The following RUFY2 variants were observed in gnomAD, a reference collection of about 807,000 sequenced individuals.
The protein encoded by RUFY2 is RUN and FYVE domain-containing protein 2.
Under a neutral mutation model 94.4 loss-of-function variants are expected in RUFY2, and 49 were observed. That is an observed-to-expected ratio of 0.52 (90% confidence interval 0.41 to 0.66). The LOEUF (loss-of-function observed/expected upper bound fraction) is 0.66. Ranked by LOEUF, RUFY2 falls within the 30% of genes least tolerant of loss-of-function variation. The pLI is 0.00. For synonymous variants in RUFY2, 255 were observed against 235.7 expected, an observed-to-expected ratio of 1.08 and a Z score of -0.75; for missense variants, 541 against 692.8, an observed-to-expected ratio of 0.78 and a Z score of 2.46.
rs1214365386 is a variant in RUFY2, at chr10:68,344,666, A to G, written c.*1102T>C. The G allele has an allele frequency of 6.6e-6, 1 of 152,406 alleles. No homozygotes were observed. Among genetic ancestry groups the G allele is most frequent in the East Asian group, 1.9e-4 (1 of 5,204 alleles). 9.4% of individuals were successfully genotyped at this position (152,406 alleles called of 1,614,324 possible). ...GCCATTGCACTCCAGCCTAGGCAAC[A>G]AGAGTGAAACTCCATCTCGAAAAAA... On this transcript the variant is annotated 3_prime_UTR_variant, in exon 18 of 18. Coordinates refer to ENST00000602465, the MANE Select transcript of RUFY2 (RefSeq NM_001330103.2).
chr10:68,406,201 A>G (rs1036915726), intron 1 of RUFY2, among the ~76,000 whole-genome samples: 3 of 152,080 alleles, frequency 2.0e-5, no homozygotes, highest in Non-Finnish European at 4.4e-5. Flanking sequence ...AGAGTCTCCA[A>G]TGATCTAGTA....
At position 68,345,764 on chromosome 10, in the gene RUFY2, A is replaced by C. The variant is rs781018764; in HGVS notation, c.*4T>G. On this transcript the variant is annotated 3_prime_UTR_variant, in exon 18 of 18. Coordinates refer to ENST00000602465, the MANE Select transcript of RUFY2 (RefSeq NM_001330103.2). ...TTCATACATAAGGATTTAGTTCTGG[A>C]GTCTCAGGGCAAGTTAGATGAGCAT... 8.1e-6 allele frequency: 13 copies of C among 1,609,210 alleles called. No individual in the cohort carries two copies. The highest frequency in any genetic ancestry group is 1.1e-5 in the Non-Finnish European group (13 of 1,177,186).
chr10:68,355,546 T>G (rs1252821643), intron 15 of RUFY2, 145 bp from the exon 16 acceptor site: 5 of 487,816 alleles, frequency 1.0e-5, no homozygotes, highest in Non-Finnish European at 1.8e-5. Flanking sequence ...TAGTGGAATA[T>G]TTCATATTTT....
intron 1 of RUFY2, 97 bp from the exon 2 acceptor site, chr10:68,404,941 T>C (rs962276762): frequency 6.0e-6 from 6 of 993,988 alleles, no homozygotes; most frequent in Non-Finnish European, 7.2e-6. Context: ...AACAGTAGTT[T>C]GCTGTTCCTT....
chr10:68,354,022 G>A (rs1380068883), intron 16 of RUFY2, among the ~76,000 whole-genome samples: 1 of 151,986 alleles, frequency 6.6e-6, no homozygotes, highest in Non-Finnish European at 1.5e-5. Flanking sequence ...AGAGATAAAT[G>A]CCAGAAGAAA....
At chr10:68,394,678 G>A (rs768184516) in intron 4 of RUFY2, among the ~76,000 whole-genome samples, 1 of 150,444 alleles carries the variant, frequency 6.6e-6, no homozygotes, top group Non-Finnish European at 1.5e-5. Flanking sequence ...CACCCAGGCC[G>A]GACTGCAGTG....
In RUFY2 at chr10:68,389,576, C is replaced by T. The variant is rs368873214; in HGVS notation, c.651-3448G>A. The stretch of plus-strand genomic sequence containing the variant: ...CTGCACTCCAGCCTGGGTGAAAGAG[C>T]GAAACTCTGTCTCGAAAAAAAAAAA... On this transcript the variant is annotated intron_variant, in intron 7 of 17. Coordinates refer to ENST00000602465, the MANE Select transcript of RUFY2 (RefSeq NM_001330103.2). Among the ~76,000 whole-genome samples the T allele has an allele frequency of 2.6e-5, 4 of 151,056 alleles. No individual in the cohort carries two copies. The South Asian group carries it at 8.3e-4, about 31-fold the overall frequency.
intron 3 of RUFY2, among the ~76,000 whole-genome samples, chr10:68,398,126 CA>C (rs377600173): frequency 0.063 from 4,110 of 64,978 alleles, 134 homozygotes; most frequent in African/African-American, 0.17. Flanking sequence ...GATTTGTTCT[CA>C]AAAAAAAAAA....
At chr10:68,393,907 T>G in intron 6 of RUFY2, 168 bp downstream of exon 6, 1 of 1,365,148 alleles carries the variant, frequency 7.3e-7, no homozygotes. Flanking sequence ...TAAGTGATTT[T>G]CCATAATCTG....
At chr10:68,385,074 C>T (rs1486857218) in intron 8 of RUFY2, among the ~76,000 whole-genome samples, 1 of 152,032 alleles carries the variant, frequency 6.6e-6, no homozygotes, top group Non-Finnish European at 1.5e-5. Context: ...TCAGCCTGAC[C>T]AACACGGTGA....
At chr10:68,406,959 T>C in intron 1 of RUFY2, 6 of 1,548,338 alleles carry the variant, frequency 3.9e-6, no homozygotes, top group South Asian at 1.2e-5. Context: ...TCGGCCACTA[T>C]GCCTCAGAAC....
At chr10:68,387,321 T>C (rs2049583528) in intron 7 of RUFY2, among the ~76,000 whole-genome samples, 1 of 151,890 alleles carries the variant, frequency 6.6e-6, no homozygotes, top group South Asian at 2.1e-4. Flanking sequence ...TGCGCCACTG[T>C]ACTCCAGCCT....
chr10:68,351,445 CTTTTT>C (rs71009049), intron 16 of RUFY2, among the ~76,000 whole-genome samples: 2 of 63,378 alleles, frequency 3.2e-5, no homozygotes, highest in Non-Finnish European at 5.9e-5. Context: ...CTCCACCCAT[CTTTTT>C]TTTTTTTTTT....
intron 15 of RUFY2, among the ~76,000 whole-genome samples, chr10:68,357,130 T>C (rs574100163): frequency 1.3e-5 from 2 of 151,316 alleles, no homozygotes; most frequent in South Asian, 4.2e-4. Context: ...ATCGTGCCAC[T>C]GCACTCCTGG....
chr10:68,379,431 C>A lies in RUFY2; in HGVS notation c.1198G>T (p.Glu400Ter). The change falls in exon 12 of 18, where the codon GAA (glutamate) becomes TAA (stop). Residue 400 changes from glutamate to a stop codon, truncating the protein, a stop_gained. Transcript: ENST00000602465. LOFTEE classifies it high-confidence loss of function. Reference protein sequence around the residue: ...NKITAAMRQLEQRLQQAEKAQ... With the variant: ...NKITAAMRQL ...AGACTGGAAATGCTGTACCTTTGTTCCAGCTGCCTCATGGCTGCAGTAATT... is the reference window on the plus strand; with the variant it reads ...AGACTGGAAATGCTGTACCTTTGTTACAGCTGCCTCATGGCTGCAGTAATT... 2 of 1,600,920 alleles carry A rather than the reference C, an allele frequency of 1.2e-6. No homozygotes were observed. Among genetic ancestry groups the A allele is most frequent in the African/African-American group, 1.4e-5 (1 of 73,970 alleles).
At chr10:68,371,488 A>T (rs2048277027) in intron 13 of RUFY2, among the ~76,000 whole-genome samples, 1 of 151,814 alleles carries the variant, frequency 6.6e-6, no homozygotes, top group Non-Finnish European at 1.5e-5. Flanking sequence ...GCTACCCAGG[A>T]GACTGAGGCA....
Position 68,343,808 on chromosome 10 carries a change from TAAAAAAAA to T in RUFY2, c.*1952_*1959del, listed in dbSNP as rs755419558. 2.6e-5 allele frequency: 3 copies of T among 115,682 alleles called. No individual in the cohort carries two copies. Among genetic ancestry groups the T allele is most frequent in the South Asian group, 5.2e-4 (2 of 3,872 alleles). The allele number at this position is 115,682 out of a possible 1,614,324, so 7.2% of individuals were successfully genotyped here. On this transcript the variant is annotated 3_prime_UTR_variant, in exon 18 of 18. Transcript: ENST00000602465. The stretch of plus-strand genomic sequence containing the variant: ...GCAAGTTGCTGTCATAAAAGCTGCC[TAAAAAAAA>T]AAAAAAAAAAAAAAAAAGCAAGTCA...
intron 7 of RUFY2, among the ~76,000 whole-genome samples, chr10:68,388,569 G>T (rs917643605): frequency 6.6e-6 from 1 of 152,086 alleles, no homozygotes; most frequent in Non-Finnish European, 1.5e-5. Context: ...GGGTGCAGTG[G>T]CTAACATCTA....
At position 68,345,472 on chromosome 10, in the gene RUFY2, T is replaced by C. The variant is rs1016696662; in HGVS notation, c.*296A>G. On this transcript the variant is annotated 3_prime_UTR_variant, in exon 18 of 18. Transcript: ENST00000602465. ...GACAGAATTCAGAAGAAAAAAACAATCTGAAGCCTTATTTTTAAGGCCTTT... is the reference window on the plus strand; with the variant it reads ...GACAGAATTCAGAAGAAAAAAACAACCTGAAGCCTTATTTTTAAGGCCTTT... 1.2e-5 allele frequency: 5 copies of C among 405,732 alleles called. No homozygotes were observed. The highest frequency in any genetic ancestry group is 4.3e-5 in the Admixed American group (1 of 23,368). 25.1% of individuals were successfully genotyped at this position (405,732 alleles called of 1,614,324 possible). A position where few individuals can be genotyped will look rare whatever the true frequency, so the allele number is the denominator to read the frequency against.
Sources: gnomAD v4.1 joint callset for allele counts (sites outside exome capture counted in the v4.1 genomes callset) on GRCh38, gnomAD v4.1.1 for gene constraint, MANE v1.5 for transcripts, NCBI Gene and HGNC (gene_info 2026-07-23, HGNC 2026-07-21) for gene names.